Variants in THSD7B observed in about 807,000 individuals in gnomAD.
The protein encoded by THSD7B is thrombospondin type 1 domain containing 7B.
THSD7B carries 138 observed loss-of-function variants against 213.6 expected under a neutral mutation model. The ratio of observed to expected loss-of-function variants is 0.65; its 90% CI spans 0.56 to 0.74. The LOEUF is 0.74. Among genes scored for constraint, THSD7B ranks in the 30% least tolerant of loss-of-function variants. THSD7B has a pLI of 0.00. For missense variants in THSD7B, 1,931 were observed against 1,991.5 expected (o/e 0.97, Z 0.58); for synonymous variants, 742 against 687.0 (o/e 1.08, Z -1.25).
intron 4 of THSD7B, among the ~76,000 whole-genome samples, chr2:137,107,469 G>A (rs187749706): frequency 5.3e-5 from 8 of 152,212 alleles, no homozygotes; most frequent in Non-Finnish European, 1.0e-4. Flanking sequence ...AAACCACCAC[G>A]GCACGTGTAT....
intron 17 of THSD7B, 130 bp downstream of exon 17, chr2:137,572,686 A>C (rs976754645): frequency 4.5e-5 from 53 of 1,173,584 alleles, no homozygotes; most frequent in Non-Finnish European, 5.9e-5. Flanking sequence ...TTTCTTTTTG[A>C]GAAATCCAAA....
chr2:137,103,097 AG>A (rs1422084349), intron 4 of THSD7B, among the ~76,000 whole-genome samples: 1 of 152,192 alleles, frequency 6.6e-6, no homozygotes, highest in African/African-American at 2.4e-5. Flanking sequence ...GGATTCACCA[AG>A]GTTGAAATGA....
intron 1 of THSD7B, among the ~76,000 whole-genome samples, chr2:136,873,021 T>TAAAAAAA (rs1553454610): frequency 3.2e-4 from 14 of 43,490 alleles, no homozygotes; most frequent in African/African-American, 1.0e-3. Context: ...AGACTCCATC[T>TAAAAAAA]AAAAAAAAAA....
intron 10 of THSD7B, among the ~76,000 whole-genome samples, chr2:137,258,416 G>C (rs1682358728): frequency 1.3e-5 from 2 of 152,020 alleles, no homozygotes; most frequent in Admixed American, 1.3e-4. Flanking sequence ...CCACACCTGT[G>C]CTGTTGCTCT....
intron 12 of THSD7B, among the ~76,000 whole-genome samples, chr2:137,361,627 G>A (rs1685262666): frequency 6.6e-6 from 1 of 152,116 alleles, no homozygotes. Context: ...GGAAGGAAGG[G>A]TATAAGTGAT....
intron 1 of THSD7B, among the ~76,000 whole-genome samples, chr2:136,802,681 A>G (rs1558810138): frequency 7.7e-6 from 1 of 130,436 alleles, no homozygotes; most frequent in Admixed American, 7.8e-5. Context: ...ATATATATAT[A>G]TGTAGTATTT....
At chr2:136,980,510 A>G (rs948284359) in intron 2 of THSD7B, among the ~76,000 whole-genome samples, 1 of 152,144 alleles carries the variant, frequency 6.6e-6, no homozygotes, top group African/African-American at 2.4e-5. Context: ...GGTCCCACCT[A>G]AAGAAGCCCG....
intron 1 of THSD7B, among the ~76,000 whole-genome samples, chr2:136,867,615 T>A (rs998479904): frequency 2.0e-5 from 3 of 152,238 alleles, no homozygotes; most frequent in African/African-American, 7.2e-5. Flanking sequence ...TGCTGTTTAA[T>A]TAAAATCTTT....
intron 1 of THSD7B, among the ~76,000 whole-genome samples, chr2:136,848,184 T>G (rs1683040670): frequency 6.6e-6 from 1 of 152,200 alleles, no homozygotes; most frequent in African/African-American, 2.4e-5. Context: ...CTGTCAAATG[T>G]GGTCAGAGCA....
chr2:137,276,385 T>C (rs1682872208), intron 12 of THSD7B, among the ~76,000 whole-genome samples: 1 of 152,060 alleles, frequency 6.6e-6, no homozygotes, highest in African/African-American at 2.4e-5. Flanking sequence ...GATTTTTTGG[T>C]GCTAATTAAA....
intron 2 of THSD7B, among the ~76,000 whole-genome samples, chr2:136,903,533 G>A (rs546464122): frequency 6.6e-6 from 1 of 152,222 alleles, no homozygotes; most frequent in East Asian, 1.9e-4. Context: ...CAAAGGTGAT[G>A]CTGCCACAGA....
At chr2:137,001,728 A>T (rs1179827251) in intron 2 of THSD7B, among the ~76,000 whole-genome samples, 1 of 152,078 alleles carries the variant, frequency 6.6e-6, no homozygotes, top group Admixed American at 6.6e-5. Flanking sequence ...ATCTTTGACC[A>T]TTTATCTATG....
chr2:137,168,879 G>A (rs1003774578), intron 6 of THSD7B, among the ~76,000 whole-genome samples: 3 of 152,104 alleles, frequency 2.0e-5, no homozygotes, highest in Non-Finnish European at 4.4e-5. Flanking sequence ...TTTGATGCTC[G>A]TCAAGTGAAG....
chr2:137,074,757 A>G (rs1047995330), intron 3 of THSD7B, among the ~76,000 whole-genome samples: 4 of 152,076 alleles, frequency 2.6e-5, no homozygotes, highest in Non-Finnish European at 5.9e-5. Context: ...TGCTTCCTTC[A>G]GGAGCTCTTT....
chr2:137,576,257 GTGAATTTCCAAAC>G (rs1681458763), intron 17 of THSD7B, among the ~76,000 whole-genome samples: 1 of 152,074 alleles, frequency 6.6e-6, no homozygotes, highest in Non-Finnish European at 1.5e-5. Flanking sequence ...TGTATTGGAA[GTGAATTTCCAAAC>G]TGTTGTATAT....
intron 2 of THSD7B, among the ~76,000 whole-genome samples, chr2:136,904,966 A>C (rs577274937): frequency 6.6e-6 from 1 of 152,152 alleles, no homozygotes; most frequent in Non-Finnish European, 1.5e-5. Context: ...TTCTTTTTCA[A>C]CTGGAATCTG....
At position 136,866,129 on chromosome 2, in the gene THSD7B, A is replaced by G. The variant is rs553508260; in HGVS notation, c.-35-16015A>G. 3.9e-5 allele frequency among the ~76,000 whole-genome samples: 6 copies of G among 152,316 alleles called. No homozygotes were observed. The South Asian group carries it at 1.2e-3, about 32-fold the overall frequency. On this transcript the variant is annotated intron_variant, in intron 1 of 27. Coordinates refer to ENST00000409968, the MANE Select transcript of THSD7B (RefSeq NM_001316349.2). ...GTGATTGTCGCTTTGAGCACAGGAA[A>G]AAGTGGGATTTCTTTTTTTAAGCAC...
chr2:137,367,022 C>T (rs1242831565), intron 12 of THSD7B, among the ~76,000 whole-genome samples: 7 of 151,668 alleles, frequency 4.6e-5, no homozygotes, highest in South Asian at 2.1e-4. Context: ...AATATGTACT[C>T]GTTTCAGACT....
chr2:137,491,806 GA>G (rs1260082009), intron 15 of THSD7B, among the ~76,000 whole-genome samples: 3 of 151,754 alleles, frequency 2.0e-5, no homozygotes, highest in Admixed American at 6.6e-5. Context: ...GACAAATTGG[GA>G]AAAAAAATTC....
Sources: allele counts gnomAD v4.1 joint callset (sites outside exome capture counted in the v4.1 genomes callset), GRCh38; gene constraint gnomAD v4.1.1; transcripts MANE v1.5; gene names NCBI Gene and HGNC (gene_info 2026-07-23, HGNC 2026-07-21).